PPARGC1A: variants seen among roughly 807,000 people sequenced by gnomAD.
PPARGC1A encodes the protein peroxisome proliferator-activated receptor gamma coactivator 1-alpha.
Under a neutral mutation model 88.7 loss-of-function variants are expected in PPARGC1A, and 25 were observed. The observed-to-expected ratio is 0.28, with a 90% CI of 0.21 to 0.39. The LOEUF is 0.39. Ranked by LOEUF, PPARGC1A falls within the 10% of genes least tolerant of loss-of-function variation. The pLI is 1.00. For missense variants in PPARGC1A, 880 were observed against 968.7 expected (o/e 0.91, Z 1.22); for synonymous variants, 363 against 355.6 (o/e 1.02, Z -0.24).
At chr4:24,120,769 AC>A in the PPARGC1A span, among the ~76,000 whole-genome samples, 410 of 152,214 alleles carry the variant, frequency 2.7e-3, 5 homozygotes, top group East Asian at 0.05. Flanking sequence ...CCACGTGAGA[AC>A]CCAGCAGGAA....
chr4:23,922,771 T>C, the PPARGC1A span, among the ~76,000 whole-genome samples: 656 of 152,316 alleles, frequency 4.3e-3, 3 homozygotes, highest in Non-Finnish European at 7.3e-3. Context: ...TCCGCGCCAC[T>C]GGAGGCCTGC....
chr4:23,796,463 C>T (rs1018517112), intron 12 of PPARGC1A, among the ~76,000 whole-genome samples: 34 of 152,130 alleles, frequency 2.2e-4, no homozygotes, highest in African/African-American at 8.2e-4. Context: ...GGTGCAAATT[C>T]TCCCCAAATT....
chr4:24,088,839 T>C, the PPARGC1A span, among the ~76,000 whole-genome samples: 1 of 152,108 alleles, frequency 6.6e-6, no homozygotes, highest in Non-Finnish European at 1.5e-5. Flanking sequence ...TCAGATGGCA[T>C]AGCAACAAAA....
At chr4:23,970,891 A>T in the PPARGC1A span, among the ~76,000 whole-genome samples, 1 of 152,088 alleles carries the variant, frequency 6.6e-6, no homozygotes, top group Non-Finnish European at 1.5e-5. Flanking sequence ...AATAGTACTC[A>T]CTTTTGTCTA....
the PPARGC1A span, among the ~76,000 whole-genome samples, chr4:24,135,459 C>T: frequency 4.6e-5 from 7 of 152,126 alleles, no homozygotes; most frequent in Non-Finnish European, 8.8e-5. Flanking sequence ...GTTCCCTTCC[C>T]TCCATTACTC....
chr4:24,378,142 G>T, the PPARGC1A span, among the ~76,000 whole-genome samples: 21 of 152,166 alleles, frequency 1.4e-4, no homozygotes, highest in Non-Finnish European at 2.1e-4. Flanking sequence ...TTTGAGACCA[G>T]CCTGGCCAAC....
chr4:24,175,285 T>G, the PPARGC1A span, among the ~76,000 whole-genome samples: 2 of 151,762 alleles, frequency 1.3e-5, no homozygotes, highest in East Asian at 3.9e-4. Flanking sequence ...CTGTTATCAA[T>G]GATAAAGAGA....
chr4:24,140,819 C>A, the PPARGC1A span, among the ~76,000 whole-genome samples: 2 of 152,122 alleles, frequency 1.3e-5, no homozygotes, highest in African/African-American at 4.8e-5. Context: ...CAGAAACAAT[C>A]GAGAGACACT....
the PPARGC1A span, among the ~76,000 whole-genome samples, chr4:24,161,961 TACACACACACACACACACACAC>T: frequency 6.2e-3 from 831 of 133,940 alleles, 29 homozygotes; most frequent in East Asian, 0.1. Context: ...AATTGTGATA[TACACACACACACACACACACAC>T]ACACACACAC....
the PPARGC1A span, among the ~76,000 whole-genome samples, chr4:24,080,102 G>A: frequency 1.3e-5 from 2 of 152,044 alleles, no homozygotes; most frequent in South Asian, 2.1e-4. Flanking sequence ...ACATGATTTC[G>A]ATTAGAATTG....
the PPARGC1A span, among the ~76,000 whole-genome samples, chr4:24,051,935 CAA>C: frequency 0.46 from 52,354 of 114,706 alleles, 7,979 homozygotes; most frequent in Non-Finnish European, 0.52. Flanking sequence ...GTGATTTGCA[CAA>C]AAAAAAAAAA....
the PPARGC1A span, among the ~76,000 whole-genome samples, chr4:23,913,137 A>G: frequency 7.0e-6 from 1 of 142,416 alleles, no homozygotes; most frequent in East Asian, 2.0e-4. Context: ...GCATGTGCAC[A>G]CACACATACA....
At chr4:24,325,609 C>G in the PPARGC1A span, among the ~76,000 whole-genome samples, 10 of 152,182 alleles carry the variant, frequency 6.6e-5, no homozygotes, top group Non-Finnish European at 1.5e-4. Context: ...GGCAGCCACT[C>G]CCAGAGCCCC....
the PPARGC1A span, among the ~76,000 whole-genome samples, chr4:24,324,617 A>G: frequency 6.6e-6 from 1 of 152,144 alleles, no homozygotes; most frequent in Non-Finnish European, 1.5e-5. Context: ...ACCCCAATAC[A>G]AACTCGACAG....
the PPARGC1A span, among the ~76,000 whole-genome samples, chr4:24,177,113 C>T: frequency 6.6e-6 from 1 of 152,110 alleles, no homozygotes; most frequent in Non-Finnish European, 1.5e-5. Flanking sequence ...AATCCCATTA[C>T]TGGGTATATA....
At chr4:24,027,963 A>C in the PPARGC1A span, among the ~76,000 whole-genome samples, 5 of 152,272 alleles carry the variant, frequency 3.3e-5, no homozygotes, top group African/African-American at 1.2e-4. Flanking sequence ...TTGAATCCTC[A>C]CAGCTACGCT....
the PPARGC1A span, among the ~76,000 whole-genome samples, chr4:24,139,189 A>G: frequency 1.3e-5 from 2 of 151,080 alleles, no homozygotes; most frequent in Non-Finnish European, 2.9e-5. Context: ...GCTGGAGTGC[A>G]GTGGTGCGAT....
chr4:24,265,319 A>T, the PPARGC1A span, among the ~76,000 whole-genome samples: 1 of 152,280 alleles, frequency 6.6e-6, no homozygotes, highest in African/African-American at 2.4e-5. Flanking sequence ...CTATAAAAAG[A>T]AGTCATTATT....
chr4:24,271,955 CTAAGCTTT>C, the PPARGC1A span, among the ~76,000 whole-genome samples: 2 of 152,056 alleles, frequency 1.3e-5, no homozygotes, highest in Non-Finnish European at 2.9e-5. Flanking sequence ...ATTCATTTTC[CTAAGCTTT>C]TAAGATCCTG....
Sources: gnomAD v4.1 joint callset for allele counts (sites outside exome capture counted in the v4.1 genomes callset) on GRCh38, gnomAD v4.1.1 for gene constraint, MANE v1.5 for transcripts, NCBI Gene and HGNC (gene_info 2026-07-23, HGNC 2026-07-21) for gene names.